Variants in NCOA3 observed in about 807,000 individuals in gnomAD.
NCOA3 encodes nuclear receptor coactivator 3, also known as CBP-interacting protein.
A neutral mutation model predicts 158.8 loss-of-function variants in NCOA3; 51 were observed. The observed-to-expected ratio is 0.32, with a 90% CI of 0.26 to 0.41. NCOA3 has a LOEUF of 0.41. Among genes scored for constraint, NCOA3 ranks in the 10% least tolerant of loss-of-function variants. The probability of loss-of-function intolerance (pLI) is 1.00; values close to 1 mark genes in which losing one functional copy is unlikely to be tolerated. For synonymous variants in NCOA3, 537 were observed against 592.4 expected, an observed-to-expected ratio of 0.91 and a Z score of 1.36; for missense variants, 1,510 against 1,746.6, an observed-to-expected ratio of 0.86 and a Z score of 2.41.
chr20:47,618,530 T>G (rs1207109273), intron 2 of NCOA3, among the ~76,000 whole-genome samples: 1 of 152,024 alleles, frequency 6.6e-6, no homozygotes, highest in African/African-American at 2.4e-5. Flanking sequence ...AATTTTGTAT[T>G]TTTAGTAGAG....
At chr20:47,508,165 A>T (rs1186341629) in intron 1 of NCOA3, among the ~76,000 whole-genome samples, 2 of 152,184 alleles carry the variant, frequency 1.3e-5, no homozygotes, top group Admixed American at 6.5e-5. Flanking sequence ...GACTGTTCTT[A>T]TGCTTGGCCA....
intron 1 of NCOA3, among the ~76,000 whole-genome samples, chr20:47,544,010 A>G (rs1325650078): frequency 2.0e-5 from 3 of 152,148 alleles, no homozygotes; most frequent in African/African-American, 7.2e-5. Flanking sequence ...ACTTTTGGGA[A>G]TGTTGCAAAA....
Position 47,655,081 on chromosome 20 carries a change from G to GTAAC in NCOA3, c.*1666_*1669dup, listed in dbSNP as rs772734287. ...TAGAATAGTGTCAGTTATTTCTTAAGTAACTCAGTACCCAGAACAGCCAGT... is the reference window on the plus strand; with the variant it reads ...TAGAATAGTGTCAGTTATTTCTTAAGTAACTAACTCAGTACCCAGAACAGCCAGT... On this transcript the variant is annotated 3_prime_UTR_variant, in exon 23 of 23. Coordinates refer to ENST00000371998, the MANE Select transcript of NCOA3 (RefSeq NM_181659.3). 1 of 152,106 alleles carries GTAAC rather than the reference G, an allele frequency of 6.6e-6. No homozygotes were observed. Among genetic ancestry groups the GTAAC allele is most frequent in the East Asian group, 1.9e-4 (1 of 5,186 alleles). The allele number at this position is 152,106 out of a possible 1,614,324, so 9.4% of individuals were successfully genotyped here.
intron 2 of NCOA3, among the ~76,000 whole-genome samples, chr20:47,593,294 G>A (rs1027688559): frequency 1.4e-5 from 2 of 147,736 alleles, no homozygotes; most frequent in African/African-American, 5.0e-5. Flanking sequence ...TCATTGTCTC[G>A]GAAATTAACT....
chr20:47,582,266 G>T (rs988596018), intron 1 of NCOA3, among the ~76,000 whole-genome samples: 1 of 152,012 alleles, frequency 6.6e-6, no homozygotes, highest in Non-Finnish European at 1.5e-5. Flanking sequence ...AGGCTAGAGC[G>T]CAATGGCATG....
chr20:47,596,961 CTT>C lies in NCOA3; in HGVS notation c.-20+13704_-20+13705del, dbSNP rs137886808. Among the ~76,000 whole-genome samples, 1,057 of 152,280 alleles carry C rather than the reference CTT, an allele frequency of 6.9e-3. 16 individuals are homozygous for C. The highest frequency in any genetic ancestry group is 0.024 in the African/African-American group (1,001 of 41,572). On this transcript the variant is annotated intron_variant, in intron 2 of 22. Transcript: ENST00000371998. ...TTATTAGCTAAGTTATTTCATATCACTTTTTATTTATCATAGGATTAGCAATA... is the reference window on the plus strand; with the variant it reads ...TTATTAGCTAAGTTATTTCATATCACTTTATTTATCATAGGATTAGCAATA...
intron 2 of NCOA3, among the ~76,000 whole-genome samples, chr20:47,612,737 G>A (rs988816553): frequency 2.0e-5 from 3 of 152,190 alleles, no homozygotes; most frequent in East Asian, 1.9e-4. Context: ...AATTGTAGAA[G>A]TCAATGTAAC....
chr20:47,504,572 A>G (rs1164568805), intron 1 of NCOA3, among the ~76,000 whole-genome samples: 1 of 148,958 alleles, frequency 6.7e-6, no homozygotes, highest in Admixed American at 6.8e-5. Context: ...TGGGAAGCCA[A>G]GGCTGGTGGA....
chr20:47,652,327 AC>A (rs2086808977), intron 20 of NCOA3, 78 bp from the exon 21 acceptor site: 8 of 1,374,014 alleles, frequency 5.8e-6, no homozygotes, highest in Non-Finnish European at 5.0e-6. Flanking sequence ...TAAAAAAAAA[AC>A]AAAATTACTA....
intron 21 of NCOA3, 61 bp from the exon 22 acceptor site, chr20:47,652,870 G>C (rs1349327963): frequency 1.3e-6 from 2 of 1,566,588 alleles, no homozygotes; most frequent in Non-Finnish European, 1.8e-6. Flanking sequence ...AATTTCTGTG[G>C]GCATGCCCTT....
At chr20:47,644,670 AGC>A (rs2086660447) in intron 17 of NCOA3, among the ~76,000 whole-genome samples, 1 of 151,974 alleles carries the variant, frequency 6.6e-6, no homozygotes, top group Non-Finnish European at 1.5e-5. Flanking sequence ...AACTAGCCCT[AGC>A]CCTTTTATTT....
chr20:47,526,488 C>G (rs1390466317), intron 1 of NCOA3, among the ~76,000 whole-genome samples: 2 of 151,640 alleles, frequency 1.3e-5, no homozygotes, highest in Non-Finnish European at 2.9e-5. Context: ...ACTGAGTGAA[C>G]GAGACTCCGT....
intron 1 of NCOA3, among the ~76,000 whole-genome samples, chr20:47,541,018 A>G (rs555179998): frequency 2.6e-4 from 40 of 152,234 alleles, no homozygotes; most frequent in Non-Finnish European, 4.6e-4. Flanking sequence ...AAATCTCCAT[A>G]TGAGAGTGCA....
At chr20:47,566,866 C>A (rs1417557052) in intron 1 of NCOA3, among the ~76,000 whole-genome samples, 1 of 151,728 alleles carries the variant, frequency 6.6e-6, no homozygotes, top group African/African-American at 2.4e-5. Context: ...TACCTGTAGT[C>A]CTGAGTACTT....
chr20:47,513,309 C>T, intron 1 of NCOA3, among the ~76,000 whole-genome samples: 1 of 152,176 alleles, frequency 6.6e-6, no homozygotes, highest in Non-Finnish European at 1.5e-5. Context: ...CGCAGAGAAG[C>T]TGCTTACTTA....
chr20:47,626,087 C>T lies in NCOA3; in HGVS notation c.357+606C>T, dbSNP rs186406969. The stretch of plus-strand genomic sequence containing the variant: ...ACTGGGGTATGATGACTGTACGTTT[C>T]GGCTCAGACATTTTTGGTGAATTTT... On this transcript the variant is annotated intron_variant, in intron 5 of 22. Transcript: ENST00000371998. Among the ~76,000 whole-genome samples the T allele has an allele frequency of 1.2e-4, 19 of 152,322 alleles. 1 individual carries two copies. In the East Asian group the frequency reaches 1.5e-3, roughly 12 times the overall value.
chr20:47,637,262 G>A (rs964335322), intron 12 of NCOA3, among the ~76,000 whole-genome samples: 16 of 152,158 alleles, frequency 1.1e-4, no homozygotes, highest in Non-Finnish European at 2.2e-4. Flanking sequence ...TTTAGAGCAT[G>A]CCTATGAACA....
At position 47,635,873 on chromosome 20, in the gene NCOA3, A is replaced by T. The variant is rs555887700; in HGVS notation, c.1505-18A>T. On this transcript the variant is annotated intron_variant, in intron 11 of 22. Transcript: ENST00000371998. ...TCTGGTAGTCTAATTCTTTTCCTAA[A>T]TTTTTTTTCAAATTCAGGTGTGCAC... 4 of 1,571,062 alleles carry T rather than the reference A, an allele frequency of 2.5e-6. No individual in the cohort carries two copies. The highest frequency in any genetic ancestry group is 2.6e-6 in the Non-Finnish European group (3 of 1,162,522).
At chr20:47,638,925 G>A in intron 13 of NCOA3, 83 bp from the exon 14 acceptor site, 1 of 1,045,760 alleles carries the variant, frequency 9.6e-7, no homozygotes, top group African/African-American at 1.6e-5. Context: ...TTCTTGGGTG[G>A]GGAGTGGTGG....
Sources: gnomAD v4.1 joint callset for allele counts (sites outside exome capture counted in the v4.1 genomes callset) on GRCh38, gnomAD v4.1.1 for gene constraint, MANE v1.5 for transcripts, NCBI Gene and HGNC (gene_info 2026-07-23, HGNC 2026-07-21) for gene names.